NUP210L: variants seen among roughly 807,000 people sequenced by gnomAD.
The protein encoded by NUP210L is nuclear pore membrane glycoprotein 210-like.
In NUP210L, 74 loss-of-function variants were observed where a neutral mutation model predicts 208.5. The observed-to-expected ratio is 0.35, with a 90% CI of 0.29 to 0.43. NUP210L has a LOEUF of 0.43. Among genes scored for constraint, NUP210L ranks in the 20% least tolerant of loss-of-function variants. The pLI, the probability that NUP210L is intolerant of heterozygous loss-of-function variation, is 1.00. For missense variants in NUP210L, 1,843 were observed against 2,289.4 expected (o/e 0.81, Z 3.98); for synonymous variants, 780 against 816.9 (o/e 0.95, Z 0.77).
rs531641767 is a variant in NUP210L at position 154,073,388 on chromosome 1, T to C, written c.2362-2923A>G. Among the ~76,000 whole-genome samples the C allele has an allele frequency of 2.0e-5, 3 of 152,118 alleles. No homozygotes were observed. In the South Asian group the frequency reaches 6.2e-4, roughly 32 times the overall value. On this transcript the variant is annotated intron_variant, in intron 16 of 39. Transcript: ENST00000368559. ...AAAAATAAAAAAGATTAGTCACATA[T>C]GATGGTGTGCACCTGTAGTCGCAGC... is the stretch of plus-strand genomic sequence containing the variant.
At chr1:154,144,963 C>G (rs1215533686) in intron 2 of NUP210L, among the ~76,000 whole-genome samples, 1 of 152,076 alleles carries the variant, frequency 6.6e-6, no homozygotes, top group Non-Finnish European at 1.5e-5. Flanking sequence ...CAAAAATTAG[C>G]CGGGCATGGT....
chr1:154,041,517 G>A (rs1282220907), intron 27 of NUP210L, among the ~76,000 whole-genome samples: 2 of 151,958 alleles, frequency 1.3e-5, no homozygotes, highest in Non-Finnish European at 2.9e-5. Flanking sequence ...TTGTAGTAGA[G>A]ACGGCGTTTC....
At chr1:154,084,650 T>G (rs1229911956) in intron 16 of NUP210L, among the ~76,000 whole-genome samples, 1 of 151,898 alleles carries the variant, frequency 6.6e-6, no homozygotes, top group African/African-American at 2.4e-5. Flanking sequence ...TTTTTGTATT[T>G]TTGGTAGAGA....
chr1:154,103,721 AAAAAAC>A (rs936596002), intron 13 of NUP210L, among the ~76,000 whole-genome samples: 15 of 152,000 alleles, frequency 9.9e-5, no homozygotes, highest in African/African-American at 3.6e-4. Context: ...ACACTGTCTC[AAAAAAC>A]AAAAACAAAC....
chr1:154,045,813 T>C (rs12759157), intron 27 of NUP210L, among the ~76,000 whole-genome samples: 2 of 151,712 alleles, frequency 1.3e-5, no homozygotes, highest in Admixed American at 6.6e-5. Context: ...AAAAACCCCA[T>C]CTCAACAAAA....
chr1:154,097,584 T>C (rs1656237443), intron 14 of NUP210L, among the ~76,000 whole-genome samples: 1 of 152,244 alleles, frequency 6.6e-6, no homozygotes. Context: ...ACTTGAACCA[T>C]ATATTTAATA....
intron 16 of NUP210L, among the ~76,000 whole-genome samples, chr1:154,078,465 C>T (rs1655154003): frequency 6.6e-6 from 1 of 151,614 alleles, no homozygotes; most frequent in Non-Finnish European, 1.5e-5. Context: ...TGTGGTGGCA[C>T]ACACCTGTAA....
intron 10 of NUP210L, among the ~76,000 whole-genome samples, chr1:154,123,797 G>A (rs565670765): frequency 7.9e-5 from 12 of 151,944 alleles, no homozygotes; most frequent in Non-Finnish European, 1.8e-4. Flanking sequence ...AGAATCGCTT[G>A]AACTCAGGAG....
intron 33 of NUP210L, among the ~76,000 whole-genome samples, chr1:154,018,268 G>C (rs968530827): frequency 6.6e-6 from 1 of 152,032 alleles, no homozygotes; most frequent in African/African-American, 2.4e-5. Flanking sequence ...CACCGCGCCT[G>C]GCCTTTTTTC....
intron 34 of NUP210L, among the ~76,000 whole-genome samples, chr1:154,010,402 C>T (rs1650839807): frequency 6.6e-6 from 1 of 151,992 alleles, no homozygotes; most frequent in Admixed American, 6.6e-5. Context: ...GAGATGAAGT[C>T]TTGCTCTGTC....
intron 16 of NUP210L, among the ~76,000 whole-genome samples, chr1:154,088,049 G>GAACACTTT (rs1655716727): frequency 6.6e-6 from 1 of 152,072 alleles, no homozygotes; most frequent in African/African-American, 2.4e-5. Context: ...ACTTTAAAAG[G>GAACACTTT]GTGATCTGCT....
At chr1:154,011,679 GTTTTTTTT>G (rs34653809) in intron 34 of NUP210L, among the ~76,000 whole-genome samples, 6 of 78,422 alleles carry the variant, frequency 7.7e-5, no homozygotes, top group Admixed American at 1.7e-4. Flanking sequence ...ATTATCTTAA[GTTTTTTTT>G]TTTTTTTTTT....
chr1:154,089,354 C>A, intron 16 of NUP210L, 67 bp downstream of exon 16: 2 of 1,349,590 alleles, frequency 1.5e-6, no homozygotes, highest in Non-Finnish European at 2.1e-6. Flanking sequence ...CAAAGAATTC[C>A]AGACTCTATC....
chr1:154,149,902 C>A (rs1023330386), intron 2 of NUP210L, among the ~76,000 whole-genome samples: 1 of 152,146 alleles, frequency 6.6e-6, no homozygotes, highest in Non-Finnish European at 1.5e-5. Context: ...CAAACCAGTT[C>A]TTCATCTGCC....
At chr1:154,027,814 A>G (rs1325739674) in intron 28 of NUP210L, among the ~76,000 whole-genome samples, 2 of 152,218 alleles carry the variant, frequency 1.3e-5, no homozygotes, top group Non-Finnish European at 2.9e-5. Context: ...TCTAGAAGAT[A>G]TAACCTAATG....
rs1050038645 is a variant in NUP210L, at chr1:154,139,941, T to A, written c.578A>T (p.Tyr193Phe). 2.5e-6 allele frequency: 4 copies of A among 1,606,938 alleles called. No homozygotes were observed. The African/African-American group carries it at 4.0e-5, about 16-fold the overall frequency. Residue 193 changes from tyrosine (Y) to phenylalanine (F), a missense_variant, in exon 5 of 40, where the codon TAC (tyrosine) becomes TTC (phenylalanine). Transcript: ENST00000368559. Reference sequence around the variant, plus strand: ...TGGGGGAGCATATTCTGCTTCGGAGTATTTAAGAATCCTAAAGACATAAAA... The same window carrying A: ...TGGGGGAGCATATTCTGCTTCGGAGAATTTAAGAATCCTAAAGACATAAAA...
At chr1:154,087,634 A>G (rs1239048900) in intron 16 of NUP210L, among the ~76,000 whole-genome samples, 1 of 152,198 alleles carries the variant, frequency 6.6e-6, no homozygotes. Context: ...AAAAACTTGT[A>G]CATGAATGTT....
chr1:154,137,101 T>C (rs12045350), intron 6 of NUP210L, among the ~76,000 whole-genome samples: 1 of 152,054 alleles, frequency 6.6e-6, no homozygotes, highest in Non-Finnish European at 1.5e-5. Context: ...GCTTTAATTG[T>C]TTTATTTATT....
intron 17 of NUP210L, among the ~76,000 whole-genome samples, chr1:154,064,711 A>T (rs144552511): frequency 4.5e-4 from 69 of 152,314 alleles, no homozygotes; most frequent in African/African-American, 1.6e-3. Flanking sequence ...CCTTACATGT[A>T]GCCTTTCAAT....
Sources: allele counts gnomAD v4.1 joint callset (sites outside exome capture counted in the v4.1 genomes callset), GRCh38; gene constraint gnomAD v4.1.1; transcripts MANE v1.5; gene names NCBI Gene and HGNC (gene_info 2026-07-23, HGNC 2026-07-21).